BRD3: variants seen among roughly 807,000 people sequenced by gnomAD.
BRD3 encodes bromodomain containing 3.
Under a neutral mutation model 66.8 loss-of-function variants are expected in BRD3, and 17 were observed. That is an observed-to-expected ratio of 0.25 (90% CI 0.17 to 0.38). The LOEUF (loss-of-function observed/expected upper bound fraction) is 0.38, where lower values mean the gene tolerates loss of function less well. Ranked by LOEUF, BRD3 falls within the 10% of genes least tolerant of loss-of-function variation. The pLI is 1.00. For missense variants in BRD3, 713 were observed against 956.1 expected (o/e 0.75, Z 3.35); for synonymous variants, 421 against 393.2 (o/e 1.07, Z -0.84).
chr9:134,064,773 G>T (rs2132460491), intron 1 of BRD3, among the ~76,000 whole-genome samples: 1 of 152,336 alleles, frequency 6.6e-6, no homozygotes, highest in Middle Eastern at 3.4e-3. Flanking sequence ...ACCAGAGCAG[G>T]GAGGCCCGGG....
chr9:134,066,544 C>G (rs953257111), intron 1 of BRD3, among the ~76,000 whole-genome samples: 6 of 142,178 alleles, frequency 4.2e-5, no homozygotes. Context: ...TCTCCCCAGG[C>G]ATACTACATG....
intron 6 of BRD3, among the ~76,000 whole-genome samples, chr9:134,046,636 C>T (rs1233111630): frequency 6.6e-6 from 1 of 152,180 alleles, no homozygotes; most frequent in African/African-American, 2.4e-5. Context: ...CGGGATAAAC[C>T]ATCCCCAAAA....
chr9:134,034,483 A>G, intron 11 of BRD3: 1 of 625,316 alleles, frequency 1.6e-6, no homozygotes, highest in Non-Finnish European at 2.7e-6. Context: ...GTGTTCACAC[A>G]CACTTGACAT....
At chr9:134,062,657 G>A (rs1388448171) in intron 1 of BRD3, among the ~76,000 whole-genome samples, 4 of 152,156 alleles carry the variant, frequency 2.6e-5, no homozygotes, top group Non-Finnish European at 4.4e-5. Flanking sequence ...CTCAAAGGAC[G>A]CTCTACCCCC....
At chr9:134,051,880 GTTTTTT>G (rs777755860) in intron 3 of BRD3, among the ~76,000 whole-genome samples, 171 bp from the exon 4 acceptor site, 28,076 of 113,286 alleles carry the variant, frequency 0.25, 4,577 homozygotes, top group East Asian at 0.63. Context: ...TGTGTGTGTT[GTTTTTT>G]TTGTTTTTTT....
chr9:134,037,128 T>A (rs765140871), intron 9 of BRD3, among the ~76,000 whole-genome samples: 1 of 152,084 alleles, frequency 6.6e-6, no homozygotes, highest in Non-Finnish European at 1.5e-5. Flanking sequence ...TCTACACAAA[T>A]GCCACTTTAA....
intron 9 of BRD3, among the ~76,000 whole-genome samples, chr9:134,038,991 G>A (rs111418198): frequency 1.1e-4 from 17 of 152,182 alleles, no homozygotes; most frequent in Admixed American, 7.9e-4. Context: ...GACCTATCCC[G>A]ACCATTCCAC....
chr9:134,053,538 T>A lies in BRD3; in HGVS notation c.-61A>T. ...GGCTTGGAGAGGCCCTGGCTGCTTCTACGCTCCCTGAGAAAGCGCGACGTC... is the reference window on the plus strand; with the variant it reads ...GGCTTGGAGAGGCCCTGGCTGCTTCAACGCTCCCTGAGAAAGCGCGACGTC... On this transcript the variant is annotated 5_prime_UTR_variant, in exon 2 of 12. Transcript: ENST00000303407. The A allele has an allele frequency of 6.7e-7, 1 of 1,483,406 alleles. No homozygotes were observed. Among genetic ancestry groups the A allele is most frequent in the Admixed American group, 2.3e-5 (1 of 44,232 alleles). The allele number at this position is 1,483,406 out of a possible 1,614,324, so 91.9% of individuals were successfully genotyped here. A position where few individuals can be genotyped will look rare whatever the true frequency, so the allele number is the denominator to read the frequency against.
At chr9:134,041,321 C>T (rs1376842790) in intron 8 of BRD3, among the ~76,000 whole-genome samples, 1 of 152,210 alleles carries the variant, frequency 6.6e-6, no homozygotes, top group Non-Finnish European at 1.5e-5. Flanking sequence ...GGAGGAAGCA[C>T]AGCCTGGCAG....
Position 134,045,126 on chromosome 9 carries a change from G to C in BRD3, c.1215+167C>G, listed in dbSNP as rs534550862. Among the ~76,000 whole-genome samples, 3 of 152,330 alleles carry C rather than the reference G, an allele frequency of 2.0e-5. No individual in the cohort carries two copies. Among genetic ancestry groups the C allele is most frequent in the African/African-American group, 7.2e-5 (3 of 41,588 alleles). On this transcript the variant is annotated intron_variant, in intron 7 of 11. Coordinates refer to ENST00000303407, the MANE Select transcript of BRD3 (RefSeq NM_007371.4). This position sits in a 1 kb window ranked among gnomAD's most constrained non-coding sequence, Gnocchi z 4.8. ...GTGGCAGCTCCTGGAACCCAGCTCA[G>C]AGCCTGACAGGGACCTGGTTGGCAC...
chr9:134,034,865 C>T, intron 10 of BRD3, 36 bp from the exon 11 acceptor site: 1 of 1,608,206 alleles, frequency 6.2e-7, no homozygotes. Context: ...GACTGCAGAG[C>T]AGACCGATGG....
At chr9:134,050,806 G>A (rs1830276653) in intron 4 of BRD3, among the ~76,000 whole-genome samples, 1 of 152,032 alleles carries the variant, frequency 6.6e-6, no homozygotes, top group Non-Finnish European at 1.5e-5. Flanking sequence ...TGAAGTGGAG[G>A]CCCCCCACCA....
chr9:134,049,936 G>A (rs181820042), intron 5 of BRD3, among the ~76,000 whole-genome samples: 15 of 152,302 alleles, frequency 9.8e-5, no homozygotes, highest in African/African-American at 3.6e-4. Flanking sequence ...AGGACAGGCA[G>A]GTCCCCATGC....
At chr9:134,043,226 C>G (rs1262895812) in intron 7 of BRD3, among the ~76,000 whole-genome samples, 1 of 152,146 alleles carries the variant, frequency 6.6e-6, no homozygotes, top group Non-Finnish European at 1.5e-5. Context: ...CCACCCTGGC[C>G]TCCCAAAGTG....
At chr9:134,036,762 A>G (rs1829925211) in intron 9 of BRD3, among the ~76,000 whole-genome samples, 1 of 152,072 alleles carries the variant, frequency 6.6e-6, no homozygotes, top group Non-Finnish European at 1.5e-5. Context: ...TAATCCCAGC[A>G]CTTTGGGAGG....
chr9:134,040,828 C>T (rs989974984), intron 8 of BRD3, among the ~76,000 whole-genome samples: 1 of 152,200 alleles, frequency 6.6e-6, no homozygotes, highest in Admixed American at 6.5e-5. Flanking sequence ...TAAAACAATC[C>T]ACTGCCAGCA....
chr9:134,067,712 C>T (rs1830698807), intron 1 of BRD3, among the ~76,000 whole-genome samples: 6 of 143,894 alleles, frequency 4.2e-5, no homozygotes, highest in Admixed American at 4.1e-4. Context: ...GCGGAGCCCG[C>T]GCCACCGCCG....
At position 134,030,738 on chromosome 9, in the gene BRD3, A is replaced by C; in HGVS notation, c.*2852T>G. ...CAACAACAAAAACAAACACACAAAA[A>C]AATGTGTCTTACAGTTTGTAAGCAA... is the stretch of plus-strand genomic sequence containing the variant. On this transcript the variant is annotated 3_prime_UTR_variant, in exon 12 of 12. Transcript: ENST00000303407. 1 of 232,096 alleles carries C rather than the reference A, an allele frequency of 4.3e-6. No homozygotes were observed. Among genetic ancestry groups the C allele is most frequent in the Non-Finnish European group, 8.5e-6 (1 of 117,310 alleles). 14.4% of individuals were successfully genotyped at this position (232,096 alleles called of 1,614,324 possible). A position where few individuals can be genotyped will look rare whatever the true frequency, so the allele number is the denominator to read the frequency against.
chr9:134,059,258 G>C (rs1830489581), intron 1 of BRD3, among the ~76,000 whole-genome samples: 1 of 152,194 alleles, frequency 6.6e-6, no homozygotes, highest in Non-Finnish European at 1.5e-5. Flanking sequence ...CTTCTCCCCG[G>C]GCCCCCAGCA....
Sources: gnomAD v4.1 joint callset for allele counts (sites outside exome capture counted in the v4.1 genomes callset) on GRCh38, gnomAD v4.1.1 for gene constraint, Gnocchi (gnomAD v3.1) non-coding constraint, MANE v1.5 for transcripts, NCBI Gene and HGNC (gene_info 2026-07-23, HGNC 2026-07-21) for gene names.